Variants in NLGN1 observed in about 807,000 individuals in gnomAD.
NLGN1 encodes the protein neuroligin-1.
NLGN1 carries 12 observed loss-of-function variants against 65.5 expected under a neutral mutation model. The observed-to-expected ratio is 0.18, with a 90% confidence interval of 0.12 to 0.30. The LOEUF is 0.30. Ranked by LOEUF, NLGN1 falls within the 10% of genes least tolerant of loss-of-function variation. The pLI, the probability that NLGN1 is intolerant of heterozygous loss-of-function variation, is 1.00. For synonymous variants in NLGN1, 350 were observed against 359.5 expected (o/e 0.97, Z 0.30); for missense variants, 750 against 1,007.1 (o/e 0.74, Z 3.46).
intron 2 of NLGN1, among the ~76,000 whole-genome samples, chr3:173,577,246 A>G (rs921734068): frequency 7.9e-5 from 12 of 152,196 alleles, no homozygotes; most frequent in African/African-American, 2.9e-4. Context: ...GGTTTAATGT[A>G]TTACACATAA....
chr3:174,070,547 G>A (rs1739601555), intron 4 of NLGN1, among the ~76,000 whole-genome samples: 1 of 151,680 alleles, frequency 6.6e-6, no homozygotes, highest in Non-Finnish European at 1.5e-5. Flanking sequence ...GGCCAGGCTG[G>A]TCTTGAACTC....
rs563928288 is a variant in NLGN1, at chr3:173,637,866, T to G, written c.493+32775T>G. ...TTCAATTAGTATTTTCGTTTCTTTG[T>G]ATCTGTGTTTGGGATTTGGTCTTAC... On this transcript the variant is annotated intron_variant, in intron 3 of 6. Coordinates refer to ENST00000457714, the Ensembl canonical transcript of NLGN1. Among the ~76,000 whole-genome samples, 39 of 152,320 alleles carry G rather than the reference T, an allele frequency of 2.6e-4. 1 individual carries two copies. In the South Asian group the frequency reaches 8.1e-3, roughly 32 times the overall value.
chr3:174,006,122 A>G (rs116479907), intron 4 of NLGN1, among the ~76,000 whole-genome samples: 222 of 152,156 alleles, frequency 1.5e-3, no homozygotes, highest in African/African-American at 5.2e-3. Context: ...TACTCTTCTC[A>G]ATCTCTCTGC....
At chr3:174,051,575 G>C (rs2152503766) in intron 4 of NLGN1, among the ~76,000 whole-genome samples, 1 of 152,152 alleles carries the variant, frequency 6.6e-6, no homozygotes, top group South Asian at 2.1e-4. Flanking sequence ...ATGCCTAGAG[G>C]ATTCTTTAGG....
rs59670610 is a variant in NLGN1 at position 173,827,629 on chromosome 3, ATGTG to A, written c.646+19830_646+19833del. Among the ~76,000 whole-genome samples, 424 of 146,998 alleles carry A rather than the reference ATGTG, an allele frequency of 2.9e-3. 2 individuals carry two copies. Among genetic ancestry groups the A allele is most frequent in the African/African-American group, 9.8e-3 (390 of 39,680 alleles). On this transcript the variant is annotated intron_variant, in intron 4 of 6. Transcript: ENST00000457714. ...ATGAGGGATCATATATATTTATGAT[ATGTG>A]TGTGTGTGTGTGTGTGTGTGTGTGT...
At chr3:174,162,052 C>T (rs1271518489) in intron 4 of NLGN1, among the ~76,000 whole-genome samples, 1 of 151,668 alleles carries the variant, frequency 6.6e-6, no homozygotes, top group Non-Finnish European at 1.5e-5. Context: ...ACAGTTAACT[C>T]CTGGGGTAGT....
chr3:173,818,410 T>C (rs931084106), intron 4 of NLGN1, among the ~76,000 whole-genome samples: 1 of 152,222 alleles, frequency 6.6e-6, no homozygotes, highest in African/African-American at 2.4e-5. Flanking sequence ...TTTACAAAAT[T>C]AAATATTTTG....
At position 173,925,814 on chromosome 3, in the gene NLGN1, A is replaced by G. The variant is rs58006637; in HGVS notation, c.646+117982A>G. Among the ~76,000 whole-genome samples the G allele has an allele frequency of 6.7e-3, 1,018 of 152,278 alleles. 10 individuals carry two copies. The highest frequency in any genetic ancestry group is 0.023 in the African/African-American group (976 of 41,574). The stretch of plus-strand genomic sequence containing the variant: ...ATATATATTCATAGCTTAAAGAATA[A>G]TAATGAATCAGCACCCAGATTAAGA... On this transcript the variant is annotated intron_variant, in intron 4 of 6. Coordinates refer to ENST00000457714, the Ensembl canonical transcript of NLGN1.
At chr3:174,148,730 T>C (rs1482221812) in intron 4 of NLGN1, among the ~76,000 whole-genome samples, 1 of 152,208 alleles carries the variant, frequency 6.6e-6, no homozygotes, top group Non-Finnish European at 1.5e-5. Flanking sequence ...GGCTCTATAA[T>C]AACTATTTGT....
intron 4 of NLGN1, among the ~76,000 whole-genome samples, chr3:174,194,257 G>A (rs1732945426): frequency 6.6e-6 from 1 of 151,966 alleles, no homozygotes; most frequent in East Asian, 1.9e-4. Context: ...AAGAGATCAA[G>A]ACCATCCTAG....
intron 4 of NLGN1, among the ~76,000 whole-genome samples, chr3:174,100,381 G>C (rs1380819447): frequency 1.3e-5 from 2 of 151,188 alleles, no homozygotes; most frequent in African/African-American, 4.9e-5. Flanking sequence ...ATATTTTATT[G>C]AGCTCTACCC....
intron 4 of NLGN1, among the ~76,000 whole-genome samples, chr3:173,943,750 G>A (rs553825675): frequency 6.6e-6 from 1 of 152,168 alleles, no homozygotes; most frequent in Admixed American, 6.6e-5. Context: ...TTGCTGAAAT[G>A]TGAGAACAGC....
intron 4 of NLGN1, among the ~76,000 whole-genome samples, chr3:173,832,611 C>T (rs1416668596): frequency 2.0e-5 from 3 of 152,236 alleles, no homozygotes; most frequent in South Asian, 4.1e-4. Flanking sequence ...TAAAACACTA[C>T]GGTTCATCAA....
At chr3:173,695,564 C>T (rs774369149) in intron 3 of NLGN1, 4 of 355,078 alleles carry the variant, frequency 1.1e-5, no homozygotes, top group South Asian at 2.3e-5. Context: ...GTGCCTCTTA[C>T]ACTATACTAG....
At chr3:174,103,805 T>C (rs1713109547) in intron 4 of NLGN1, among the ~76,000 whole-genome samples, 1 of 152,130 alleles carries the variant, frequency 6.6e-6, no homozygotes, top group African/African-American at 2.4e-5. Context: ...TAAATTTCTA[T>C]AAATAGAGTC....
intron 2 of NLGN1, among the ~76,000 whole-genome samples, chr3:173,512,114 C>T (rs1177959443): frequency 6.6e-6 from 1 of 152,162 alleles, no homozygotes; most frequent in East Asian, 1.9e-4. Context: ...GACCTCAAGA[C>T]CCCAGAGGCT....
At chr3:173,549,868 C>T (rs561728105) in intron 2 of NLGN1, among the ~76,000 whole-genome samples, 1 of 152,196 alleles carries the variant, frequency 6.6e-6, no homozygotes, top group Admixed American at 6.5e-5. Context: ...AAGTCAGTCA[C>T]TAAGTCTCTC....
chr3:173,977,403 A>G lies in NLGN1; in HGVS notation c.646+169571A>G, dbSNP rs563897039. ...CGAAGGACAGACAAAAGACAAGTGTAATTGTAGGTAGAGTACAAAAAGTGA... is the reference window on the plus strand; with the variant it reads ...CGAAGGACAGACAAAAGACAAGTGTGATTGTAGGTAGAGTACAAAAAGTGA... On this transcript the variant is annotated intron_variant, in intron 4 of 6. Transcript: ENST00000457714. 4.5e-4 allele frequency among the ~76,000 whole-genome samples: 69 copies of G among 152,136 alleles called. 2 individuals are homozygous for G. In the Middle Eastern group the frequency reaches 0.014, roughly 30 times the overall value.
At chr3:173,565,233 G>C (rs1260793502) in intron 2 of NLGN1, among the ~76,000 whole-genome samples, 1 of 152,158 alleles carries the variant, frequency 6.6e-6, no homozygotes, top group Non-Finnish European at 1.5e-5. Flanking sequence ...GTCAGTTCCA[G>C]GCACCTTGAA....
Sources: allele counts gnomAD v4.1 joint callset (sites outside exome capture counted in the v4.1 genomes callset), GRCh38; gene constraint gnomAD v4.1.1; transcripts MANE v1.5; gene names NCBI Gene and HGNC (gene_info 2026-07-23, HGNC 2026-07-21).